TIMELESS: variants seen among roughly 807,000 people sequenced by gnomAD.
The protein encoded by TIMELESS is timeless circadian regulator.
Under a neutral mutation model 164.3 loss-of-function variants are expected in TIMELESS, and 124 were observed. The observed-to-expected ratio is 0.75, with a 90% CI of 0.65 to 0.88. The LOEUF is 0.88. TIMELESS is among the 40% of genes least tolerant of loss of function. The pLI, the probability that TIMELESS is intolerant of heterozygous loss-of-function variation, is 0.00. For synonymous variants in TIMELESS, 564 were observed against 563.4 expected (o/e 1.00, Z -0.02); for missense variants, 1,422 against 1,491.4 (o/e 0.95, Z 0.77).
chr12:56,442,444 G>C (rs1041705380), intron 1 of TIMELESS, among the ~76,000 whole-genome samples: 1 of 152,224 alleles, frequency 6.6e-6, no homozygotes, highest in African/African-American at 2.4e-5. Context: ...TTGTCCATCA[G>C]TTCAAAGATT....
intron 15 of TIMELESS, among the ~76,000 whole-genome samples, chr12:56,424,468 A>G (rs959970630): frequency 7.9e-5 from 12 of 152,242 alleles, no homozygotes; most frequent in African/African-American, 9.6e-5. Flanking sequence ...TCTTAACGTT[A>G]TAAGAAACAT....
intron 10 of TIMELESS, 70 bp downstream of exon 10, chr12:56,430,035 C>T (rs1881818683): frequency 1.3e-6 from 2 of 1,488,472 alleles, no homozygotes; most frequent in African/African-American, 2.8e-5. Flanking sequence ...CACTTCTTAC[C>T]CACCAACAGC....
At position 56,417,681 on chromosome 12, in the gene TIMELESS, A is replaced by C. The variant is rs774512916; in HGVS notation, c.*35T>G. ...TCTGACTTGAATGCACCATCTAAAA[A>C]CGTGTCTATCTCTACCCCTAGGCTT... On this transcript the variant is annotated 3_prime_UTR_variant, in exon 29 of 29. Transcript: ENST00000553532. The C allele has an allele frequency of 2.5e-6, 4 of 1,609,480 alleles. No homozygotes were observed. The Admixed American group carries it at 6.7e-5, about 27-fold the overall frequency.
intron 26 of TIMELESS, 30 bp downstream of exon 26, chr12:56,420,539 C>T: frequency 2.5e-6 from 4 of 1,592,036 alleles, no homozygotes; most frequent in Non-Finnish European, 2.6e-6. Flanking sequence ...ACTAACACGC[C>T]TTGGTTGACA....
At chr12:56,437,834 T>A (rs1315877206) in intron 1 of TIMELESS, among the ~76,000 whole-genome samples, 1 of 151,988 alleles carries the variant, frequency 6.6e-6, no homozygotes, top group Non-Finnish European at 1.5e-5. Context: ...GGACTGCATA[T>A]CATGCATGTA....
intron 10 of TIMELESS, among the ~76,000 whole-genome samples, 190 bp downstream of exon 10, chr12:56,429,915 A>G (rs986552851): frequency 6.6e-6 from 1 of 151,796 alleles, no homozygotes; most frequent in Non-Finnish European, 1.5e-5. Context: ...TTGTCATGCC[A>G]GGAGCCCACT....
chr12:56,442,286 T>C (rs1478808379), intron 1 of TIMELESS, among the ~76,000 whole-genome samples: 3 of 152,008 alleles, frequency 2.0e-5, no homozygotes, highest in African/African-American at 4.8e-5. Context: ...GAAAGCTGCA[T>C]AGGATTAAGG....
intron 1 of TIMELESS, among the ~76,000 whole-genome samples, chr12:56,440,846 C>T (rs184074256): frequency 1.3e-5 from 2 of 152,170 alleles, no homozygotes; most frequent in Non-Finnish European, 2.9e-5. Context: ...GAGACAGGGT[C>T]TCCCTCTGTC....
In TIMELESS at chr12:56,423,713, G is replaced by A. The variant is rs1356555588; in HGVS notation, c.1967-6C>T. On this transcript the variant is annotated splice_region_variant and splice_polypyrimidine_tract_variant and intron_variant, in intron 16 of 28. Transcript: ENST00000553532. ...TTCCTCTGGGCCCTGCTGCCCTATA[G>A]ACAGAGGGAGGATTACTGAGTCTCT... 6.2e-7 allele frequency: 1 copy of A among 1,614,014 alleles called. No individual in the cohort carries two copies. The highest frequency in any genetic ancestry group is 8.5e-7 in the Non-Finnish European group (1 of 1,179,982).
intron 1 of TIMELESS, among the ~76,000 whole-genome samples, chr12:56,434,764 G>C (rs7312888): frequency 0.49 from 74,526 of 151,864 alleles, 18,999 homozygotes; most frequent in Non-Finnish European, 0.55. Context: ...AAAATTGTTA[G>C]ACCCTGGCTG....
chr12:56,426,385 CT>C (rs35546587), intron 13 of TIMELESS, among the ~76,000 whole-genome samples: 8,898 of 137,044 alleles, frequency 0.065, 851 homozygotes, highest in African/African-American at 0.22. Context: ...GGTACAAAAT[CT>C]TTTTTTTTTT....
At chr12:56,440,127 A>AT (rs1387525450) in intron 1 of TIMELESS, among the ~76,000 whole-genome samples, 1 of 143,910 alleles carries the variant, frequency 6.9e-6, no homozygotes, top group Non-Finnish European at 1.5e-5. Context: ...TGCAATTCAA[A>AT]TTAACCTTTT....
chr12:56,448,852 G>A (rs1489511258), intron 1 of TIMELESS, among the ~76,000 whole-genome samples: 3 of 152,224 alleles, frequency 2.0e-5, no homozygotes, highest in African/African-American at 7.2e-5. Flanking sequence ...CCCGAACAAG[G>A]CAACGAAGGG....
At chr12:56,418,904 C>T (rs1245719127) in intron 26 of TIMELESS, among the ~76,000 whole-genome samples, 1 of 150,674 alleles carries the variant, frequency 6.6e-6, no homozygotes, top group Non-Finnish European at 1.5e-5. Flanking sequence ...ATAAATAAAT[C>T]CTGGGGATGT....
At chr12:56,421,529 C>T in intron 22 of TIMELESS, 36 bp from the exon 23 acceptor site, 1 of 1,594,042 alleles carries the variant, frequency 6.3e-7, no homozygotes, top group African/African-American at 1.4e-5. Context: ...CCAAGGGTAA[C>T]AGGGAAAGAG....
chr12:56,438,614 A>C (rs1319361835), intron 1 of TIMELESS, among the ~76,000 whole-genome samples: 1 of 151,786 alleles, frequency 6.6e-6, no homozygotes, highest in Admixed American at 6.6e-5. Flanking sequence ...TCTACAAAAA[A>C]TTTAAAAAAT....
At chr12:56,422,261 T>C in intron 19 of TIMELESS, 70 bp from the exon 20 acceptor site, 2 of 1,394,546 alleles carry the variant, frequency 1.4e-6, no homozygotes, top group South Asian at 1.2e-5. Context: ...AGGCCTTCTC[T>C]GATCAGTTCT....
intron 1 of TIMELESS, among the ~76,000 whole-genome samples, chr12:56,435,200 G>A (rs1882031395): frequency 6.6e-6 from 1 of 152,068 alleles, no homozygotes; most frequent in Non-Finnish European, 1.5e-5. Flanking sequence ...GAGACACTGC[G>A]AATGTGTAGA....
chr12:56,420,939 A>T, intron 24 of TIMELESS, 24 bp downstream of exon 24: 1 of 1,614,064 alleles, frequency 6.2e-7, no homozygotes, highest in Non-Finnish European at 8.5e-7. Context: ...CACCTGAGAC[A>T]TCTCTCCCAG....
Sources: allele counts gnomAD v4.1 joint callset (sites outside exome capture counted in the v4.1 genomes callset), GRCh38; gene constraint gnomAD v4.1.1; transcripts MANE v1.5; gene names NCBI Gene and HGNC (gene_info 2026-07-23, HGNC 2026-07-21).